Variants in PSMD13 observed in about 807,000 individuals in gnomAD.
The protein encoded by PSMD13 is 26S proteasome non-ATPase regulatory subunit 13.
A neutral mutation model predicts 57.4 loss-of-function variants in PSMD13; 8 were observed. The observed-to-expected ratio is 0.14, with a 90% CI of 0.08 to 0.25. The LOEUF (loss-of-function observed/expected upper bound fraction) is 0.25, where lower values mean the gene tolerates loss of function less well. PSMD13 is among the 10% of genes least tolerant of loss of function. The probability of loss-of-function intolerance (pLI) is 1.00; values close to 1 mark genes in which losing one functional copy is unlikely to be tolerated. For missense variants in PSMD13, 400 were observed against 461.5 expected (o/e 0.87, Z 1.22); for synonymous variants, 193 against 168.2 (o/e 1.15, Z -1.14).
intron 9 of PSMD13, among the ~76,000 whole-genome samples, 196 bp downstream of exon 9, chr11:249,253 A>G (rs480059): frequency 0.08 from 12,225 of 152,152 alleles, 563 homozygotes; most frequent in African/African-American, 0.099. Context: ...TGCTGCAGAC[A>G]AAGAGTGAGG....
intron 9 of PSMD13, among the ~76,000 whole-genome samples, chr11:250,127 A>T (rs1046202075): frequency 6.6e-6 from 1 of 152,106 alleles, no homozygotes; most frequent in Non-Finnish European, 1.5e-5. Context: ...ACAGAGCTTG[A>T]CCTGTCCAGT....
rs547399245 is a variant in PSMD13, at chr11:248,370, G to A, written c.569-406G>A. Among the ~76,000 whole-genome samples the A allele has an allele frequency of 2.0e-5, 3 of 152,280 alleles. No individual in the cohort carries two copies. In the South Asian group the frequency reaches 6.2e-4, roughly 32 times the overall value. On this transcript the variant is annotated intron_variant, in intron 7 of 12. Transcript: ENST00000532097. ...ATGTCAAGAAAAATATATCGGAAAAGGAACTAAGGTGGTCAAGAGAACAAT... is the reference window on the plus strand; with the variant it reads ...ATGTCAAGAAAAATATATCGGAAAAAGAACTAAGGTGGTCAAGAGAACAAT...
chr11:247,294 T>G lies in PSMD13; in HGVS notation c.414T>G (p.Val138=). 1 of 1,612,616 alleles carries G rather than the reference T, an allele frequency of 6.2e-7. No individual in the cohort carries two copies. The highest frequency in any genetic ancestry group is 8.5e-7 in the Non-Finnish European group (1 of 1,179,462). Residue 138 remains valine (V), a synonymous_variant, in exon 7 of 13, where the codon GTT becomes GTG. Transcript: ENST00000532097. ...LQVTKETIED[V]EEMLNNLPGV... ...GTGTATAGGAAACAATTGAAGATGT[T>G]GAAGAAATGCTCAACAACCTTCCTG...
At chr11:246,614 A>G (rs191729893) in intron 6 of PSMD13, among the ~76,000 whole-genome samples, 40 of 152,332 alleles carry the variant, frequency 2.6e-4, no homozygotes, top group Admixed American at 2.1e-3. Context: ...ATGTATGCCT[A>G]GAGACTACAG....
chr11:251,729 G>A lies in PSMD13; in HGVS notation c.919-91G>A. 6.5e-7 allele frequency: 1 copy of A among 1,531,474 alleles called. No individual in the cohort carries two copies. Among genetic ancestry groups the A allele is most frequent in the Non-Finnish European group, 9.0e-7 (1 of 1,110,186 alleles). 94.9% of individuals were successfully genotyped at this position (1,531,474 alleles called of 1,614,324 possible). ...GCTCCCTAGACAGTAAAAAATGACG[G>A]GAGGAGCGGCATCTGCTTCTCACAA... On this transcript the variant is annotated intron_variant, in intron 11 of 12. Coordinates refer to ENST00000532097, the MANE Select transcript of PSMD13 (RefSeq NM_002817.4). This position sits in a 1 kb window ranked among gnomAD's most constrained non-coding sequence, Gnocchi z 4.6.
At position 236,977 on chromosome 11, in the gene PSMD13, AGCAT is replaced by A; in HGVS notation, c.-72_-69del. On this transcript the variant is annotated 5_prime_UTR_variant, in exon 1 of 13. Transcript: ENST00000532097. ...CGCCGCTCGGCGCCGGAAGTGAGTGAGCATTTCCGGCAGCCATCCCCGCGGTGCT... is the reference window on the plus strand; with the variant it reads ...CGCCGCTCGGCGCCGGAAGTGAGTGATTCCGGCAGCCATCCCCGCGGTGCT... The A allele has an allele frequency of 7.6e-7, 1 of 1,315,308 alleles. No homozygotes were observed. The allele number at this position is 1,315,308 out of a possible 1,614,324, so 81.5% of individuals were successfully genotyped here. A position where few individuals can be genotyped will look rare whatever the true frequency, so the allele number is the denominator to read the frequency against.
intron 9 of PSMD13, among the ~76,000 whole-genome samples, chr11:250,118 C>T (rs1859741530): frequency 1.3e-5 from 2 of 152,124 alleles, no homozygotes; most frequent in Non-Finnish European, 2.9e-5. Context: ...GAGCCCTTTA[C>T]AGAGCTTGAC....
At position 252,124 on chromosome 11, in the gene PSMD13, C is replaced by T. The variant is rs1590255640; in HGVS notation, c.1035+188C>T. The stretch of plus-strand genomic sequence containing the variant: ...TTAATGCAAGCCTAGGGTTTGAACC[C>T]TGCATTTAAAAGCTTATGATGACAA... On this transcript the variant is annotated intron_variant, in intron 12 of 12. Transcript: ENST00000532097. This position sits in a 1 kb window ranked among gnomAD's most constrained non-coding sequence, Gnocchi z 4.1. The T allele has an allele frequency of 1.7e-6, 1 of 581,244 alleles. No individual in the cohort carries two copies. Among genetic ancestry groups the T allele is most frequent in the Non-Finnish European group, 3.0e-6 (1 of 328,742 alleles). 36.0% of individuals were successfully genotyped at this position (581,244 alleles called of 1,614,324 possible). A position where few individuals can be genotyped will look rare whatever the true frequency, so the allele number is the denominator to read the frequency against.
In PSMD13 at chr11:251,451, T is replaced by G; in HGVS notation, c.838-95T>G. Reference sequence around the variant, plus strand: ...TAGTATGTGGGGTACTAATAAGATCTCTATTTTCAGAGCCAATATTGACAA... The same window carrying G: ...TAGTATGTGGGGTACTAATAAGATCGCTATTTTCAGAGCCAATATTGACAA... On this transcript the variant is annotated intron_variant, in intron 10 of 12. Coordinates refer to ENST00000532097, the MANE Select transcript of PSMD13 (RefSeq NM_002817.4). The surrounding 1 kb of genome is among the most constrained non-coding windows in gnomAD (Gnocchi z 4.6). The G allele has an allele frequency of 9.0e-7, 1 of 1,109,250 alleles. No homozygotes were observed. The highest frequency in any genetic ancestry group is 2.6e-5 in the East Asian group (1 of 38,884). 68.7% of individuals were successfully genotyped at this position (1,109,250 alleles called of 1,614,324 possible). A position where few individuals can be genotyped will look rare whatever the true frequency, so the allele number is the denominator to read the frequency against.
Position 251,502 on chromosome 11 carries a change from T to C in PSMD13, c.838-44T>C, listed in dbSNP as rs747723527. On this transcript the variant is annotated intron_variant, in intron 10 of 12. Coordinates refer to ENST00000532097, the MANE Select transcript of PSMD13 (RefSeq NM_002817.4). This position sits in a 1 kb window ranked among gnomAD's most constrained non-coding sequence, Gnocchi z 4.6. ...AACATCCTTATCAGTTCTCTATTTTTATTTGGAAAAATAGTTTAAAATAGT... is the reference window on the plus strand; with the variant it reads ...AACATCCTTATCAGTTCTCTATTTTCATTTGGAAAAATAGTTTAAAATAGT... The C allele has an allele frequency of 2.7e-6, 4 of 1,495,876 alleles. No homozygotes were observed. The highest frequency in any genetic ancestry group is 1.8e-5 in the Admixed American group (1 of 56,878). The allele number at this position is 1,495,876 out of a possible 1,614,324, so 92.7% of individuals were successfully genotyped here.
Position 237,734 on chromosome 11 carries a change from G to A in PSMD13, c.95+590G>A, listed in dbSNP as rs112649477. Reference sequence around the variant, plus strand: ...TTTACCTTCCATTGTATTTCTCATGGGCTTTCTGCCCCTAGAAAGATCTTA... The same window carrying A: ...TTTACCTTCCATTGTATTTCTCATGAGCTTTCTGCCCCTAGAAAGATCTTA... On this transcript the variant is annotated intron_variant, in intron 1 of 12. Transcript: ENST00000532097. Among the ~76,000 whole-genome samples, 605 of 152,202 alleles carry A rather than the reference G, an allele frequency of 4.0e-3. 1 individual carries two copies. The highest frequency in any genetic ancestry group is 6.0e-3 in the Admixed American group (92 of 15,292).
chr11:249,833 A>G (rs1166294555), intron 9 of PSMD13, among the ~76,000 whole-genome samples: 1 of 152,076 alleles, frequency 6.6e-6, no homozygotes, highest in Non-Finnish European at 1.5e-5. Flanking sequence ...TTATTTTTGT[A>G]TTTTTCTGAA....
At chr11:249,147 C>T in intron 9 of PSMD13, 90 bp downstream of exon 9, 1 of 1,542,738 alleles carries the variant, frequency 6.5e-7, no homozygotes, top group East Asian at 2.3e-5. Flanking sequence ...CCTAGGCACA[C>T]AGGAAAGAAC....
At chr11:243,247 A>G in intron 2 of PSMD13, 1 of 488,862 alleles carries the variant, frequency 2.0e-6, no homozygotes. Context: ...AATGTACAAG[A>G]TAGAGGCTGC....
chr11:245,337 G>A (rs544654381), intron 6 of PSMD13, among the ~76,000 whole-genome samples: 3 of 152,096 alleles, frequency 2.0e-5, no homozygotes, highest in Non-Finnish European at 4.4e-5. Flanking sequence ...TACAATGCCT[G>A]TTGCCCTTAA....
Position 251,612 on chromosome 11 carries a change from A to G in PSMD13, c.904A>G (p.Ile302Val). The change falls in exon 11 of 13, where the codon ATC (isoleucine) becomes GTC (valine). Residue 302 changes from isoleucine (I) to valine (V), a missense_variant. Transcript: ENST00000532097. The surrounding 1 kb of genome is among the most constrained non-coding windows in gnomAD (Gnocchi z 4.6). ...TFEEIAKSAK[I>V]TVNEVELLVM... ...TGAAGAAATTGCCAAAAGTGCTAAA[A>G]TCACAGTGAATGAGGTACGGTCCCT... 6.2e-7 allele frequency: 1 copy of G among 1,613,500 alleles called. No homozygotes were observed.
In PSMD13 at chr11:247,357, C is replaced by T. The variant is rs760817206; in HGVS notation, c.477C>T (p.Ser159=). The T allele has an allele frequency of 3.7e-6, 6 of 1,614,020 alleles. No individual in the cohort carries two copies. The African/African-American group carries it at 8.0e-5, about 22-fold the overall frequency. ...TSVHSRFYDL[S]SKYYQTIGNH... ...TTCACAGTCGTTTCTATGATCTCTC[C>T]AGTAAATACTATCAAACAATCGGAA... Residue 159 remains serine, a synonymous_variant, in exon 7 of 13, where the codon TCC becomes TCT. Coordinates refer to ENST00000532097, the MANE Select transcript of PSMD13 (RefSeq NM_002817.4).
Position 239,087 on chromosome 11 carries a change from T to C in PSMD13, c.174+11T>C. 3 of 1,606,530 alleles carry C rather than the reference T, an allele frequency of 1.9e-6. No homozygotes were observed. Among genetic ancestry groups the C allele is most frequent in the Non-Finnish European group, 2.6e-6 (3 of 1,173,044 alleles). ...GATGGTCTCATTAAGGTAAATAATTTGCTATACCAGATTAGATTATATGAA... is the reference window on the plus strand; with the variant it reads ...GATGGTCTCATTAAGGTAAATAATTCGCTATACCAGATTAGATTATATGAA... On this transcript the variant is annotated intron_variant, in intron 2 of 12. Coordinates refer to ENST00000532097, the MANE Select transcript of PSMD13 (RefSeq NM_002817.4).
At chr11:247,222 A>G (rs1859666694) in intron 6 of PSMD13, 55 bp from the exon 7 acceptor site, 1 of 1,534,338 alleles carries the variant, frequency 6.5e-7, no homozygotes, top group Non-Finnish European at 8.8e-7. Context: ...GTCTCTAAAA[A>G]AATAAAATAA....
Sources: allele counts gnomAD v4.1 joint callset (sites outside exome capture counted in the v4.1 genomes callset), GRCh38; gene constraint gnomAD v4.1.1; non-coding constraint Gnocchi (gnomAD v3.1); transcripts MANE v1.5; gene names NCBI Gene and HGNC (gene_info 2026-07-23, HGNC 2026-07-21).